The following CACNA1B variants were observed in gnomAD, a reference collection of about 807,000 sequenced individuals.
CACNA1B encodes voltage-dependent N-type calcium channel subunit alpha-1B.
A neutral mutation model predicts 247.2 loss-of-function variants in CACNA1B; 70 were observed. The ratio of observed to expected loss-of-function variants is 0.28; its 90% CI spans 0.23 to 0.35. CACNA1B has a LOEUF of 0.35. Among genes scored for constraint, CACNA1B ranks in the 10% least tolerant of loss-of-function variants. CACNA1B has a pLI of 1.00. For missense variants in CACNA1B, 2,367 were observed against 3,197.4 expected (o/e 0.74, Z 6.26); for synonymous variants, 1,231 against 1,294.4 (o/e 0.95, Z 1.05).
intron 12 of CACNA1B, among the ~76,000 whole-genome samples, chr9:137,976,436 C>T (rs1445283299): frequency 6.6e-6 from 1 of 152,220 alleles, no homozygotes; most frequent in Non-Finnish European, 1.5e-5. Flanking sequence ...GCACGATAGG[C>T]CATGATGGTC....
At chr9:138,065,582 T>C (rs982047548) in intron 31 of CACNA1B, among the ~76,000 whole-genome samples, 12 of 152,274 alleles carry the variant, frequency 7.9e-5, no homozygotes, top group African/African-American at 2.9e-4. Context: ...CCTTTCTGGG[T>C]GCTGACGTTG....
intron 3 of CACNA1B, among the ~76,000 whole-genome samples, chr9:137,884,275 T>C (rs1228855909): frequency 2.1e-4 from 32 of 151,660 alleles, no homozygotes; most frequent in African/African-American, 6.0e-4. Flanking sequence ...CACAGCAGCA[T>C]TGAGGTGGAT....
At chr9:138,106,365 A>G (rs944844569) in intron 39 of CACNA1B, among the ~76,000 whole-genome samples, 2 of 152,052 alleles carry the variant, frequency 1.3e-5, no homozygotes, top group African/African-American at 2.4e-5. Context: ...TTGTGTGCCA[A>G]GCCTCACTTA....
In CACNA1B at chr9:138,052,060, G is replaced by C. The variant is rs764967346; in HGVS notation, c.3711-32G>C. 3.0e-6 allele frequency: 4 copies of C among 1,312,076 alleles called. No homozygotes were observed. The highest frequency in any genetic ancestry group is 4.4e-6 in the Non-Finnish European group (4 of 909,880). 81.3% of individuals were successfully genotyped at this position (1,312,076 alleles called of 1,614,324 possible). Reference sequence around the variant, plus strand: ...GGAGCTGGGCACACCCATGCCTCCTGCCTGTCTGCATCTGTGGCTTCTCCC... The same window carrying C: ...GGAGCTGGGCACACCCATGCCTCCTCCCTGTCTGCATCTGTGGCTTCTCCC... On this transcript the variant is annotated intron_variant, in intron 24 of 46. Coordinates refer to ENST00000371372, the MANE Select transcript of CACNA1B (RefSeq NM_000718.4). This position sits in a 1 kb window ranked among gnomAD's most constrained non-coding sequence, Gnocchi z 5.1.
intron 36 of CACNA1B, among the ~76,000 whole-genome samples, chr9:138,079,119 G>A (rs902257575): frequency 2.6e-5 from 4 of 152,192 alleles, no homozygotes; most frequent in African/African-American, 9.6e-5. Flanking sequence ...CAGTGCCTGA[G>A]TGCCTGTTAG....
chr9:137,921,066 A>G (rs1957471737), intron 6 of CACNA1B, among the ~76,000 whole-genome samples: 1 of 152,178 alleles, frequency 6.6e-6, no homozygotes, highest in Non-Finnish European at 1.5e-5. Context: ...CATTTGAAGT[A>G]CTTGACTCAT....
At chr9:138,110,637 C>T (rs1052758146) in intron 39 of CACNA1B, among the ~76,000 whole-genome samples, 16 of 152,070 alleles carry the variant, frequency 1.1e-4, no homozygotes, top group African/African-American at 3.9e-4. Flanking sequence ...GAGGCTACGG[C>T]GGAAGGATTG....
intron 22 of CACNA1B, 87 bp from the exon 23 acceptor site, chr9:138,047,312 G>A: frequency 1.0e-6 from 1 of 996,560 alleles, no homozygotes; most frequent in Middle Eastern, 2.1e-4. Context: ...CTGCTCAGAG[G>A]CCTGGAGGAA....
intron 39 of CACNA1B, among the ~76,000 whole-genome samples, chr9:138,109,420 G>A (rs948424250): frequency 3.9e-5 from 6 of 152,228 alleles, no homozygotes; most frequent in African/African-American, 1.2e-4. Flanking sequence ...GTGTTTGTGA[G>A]GTGGGTGTCA....
At chr9:138,074,872 G>A (rs1383423504) in intron 34 of CACNA1B, among the ~76,000 whole-genome samples, 1 of 152,258 alleles carries the variant, frequency 6.6e-6, no homozygotes, top group African/African-American at 2.4e-5. Flanking sequence ...CCTGACCCGC[G>A]GCGGGGGTTA....
At chr9:138,107,452 A>C (rs1228034968) in intron 39 of CACNA1B, among the ~76,000 whole-genome samples, 1 of 151,994 alleles carries the variant, frequency 6.6e-6, no homozygotes, top group Non-Finnish European at 1.5e-5. Context: ...TGTGTTGCAC[A>C]GGCTGAGGAT....
chr9:137,911,222 A>G (rs1384846956), intron 3 of CACNA1B, among the ~76,000 whole-genome samples: 2 of 151,632 alleles, frequency 1.3e-5, no homozygotes, highest in Admixed American at 6.6e-5. Flanking sequence ...CTAGTTTTAA[A>G]TTTTCTACCT....
rs1958495285 is a variant in CACNA1B, at chr9:137,995,954, A to T, written c.1974+9100A>T. ...TCAGGGGAATGCAAATAAAAACCAC[A>T]GTGTGATACCACCTCACTCCTGCAA... On this transcript the variant is annotated intron_variant, in intron 15 of 46. Coordinates refer to ENST00000371372, the MANE Select transcript of CACNA1B (RefSeq NM_000718.4). Among the ~76,000 whole-genome samples the T allele has an allele frequency of 2.0e-5, 3 of 152,250 alleles. No homozygotes were observed. The South Asian group carries it at 6.2e-4, about 32-fold the overall frequency.
rs958119692 is a variant in CACNA1B, at chr9:137,956,779, A to C, written c.1195A>C (p.Met399Leu). 1 of 1,613,610 alleles carries C rather than the reference A, an allele frequency of 6.2e-7. No homozygotes were observed. Among genetic ancestry groups the C allele is most frequent in the Non-Finnish European group, 8.5e-7 (1 of 1,179,736 alleles). The change falls in exon 9 of 47, where the codon ATG (methionine) becomes CTG (leucine). Residue 399 changes from methionine (M) to leucine (L), a missense_variant. Physicochemically the swap from Met to Leu is conservative, Grantham distance 15 (BLOSUM62 2). Around this residue, in one of 12 missense-constraint regions of CACNA1B, gnomAD observed 219 missense variants for 297.6 expected, o/e 0.74. Transcript: ENST00000371372. ...CTGTGTTCCCCTCGCAGAGGAAGTC[A>C]TGCTGGCCGAGGAGGACAGGAATGC... is the stretch of plus-strand genomic sequence containing the variant. ...LEWIFKAEEV[M>L]LAEEDRNAEE...
chr9:138,117,308 G>A (rs1961905664), intron 42 of CACNA1B, among the ~76,000 whole-genome samples: 1 of 152,076 alleles, frequency 6.6e-6, no homozygotes, highest in Admixed American at 6.5e-5. Context: ...GAGAAGTAAG[G>A]AGGAGCCACC....
rs961851661 is a variant in CACNA1B at position 138,051,541 on chromosome 9, C to G, written c.3711-551C>G. ...CTCTTGCATTGCCTCTGTATTCGTCCGACTTTTTCTCTTTCTTACTCTCCT... is the reference window on the plus strand; with the variant it reads ...CTCTTGCATTGCCTCTGTATTCGTCGGACTTTTTCTCTTTCTTACTCTCCT... On this transcript the variant is annotated intron_variant, in intron 24 of 46. Coordinates refer to ENST00000371372, the MANE Select transcript of CACNA1B (RefSeq NM_000718.4). This position sits in a 1 kb window ranked among gnomAD's most constrained non-coding sequence, Gnocchi z 4.3. Among the ~76,000 whole-genome samples the G allele has an allele frequency of 6.7e-6, 1 of 149,118 alleles. No homozygotes were observed. Among genetic ancestry groups the G allele is most frequent in the Non-Finnish European group, 1.5e-5 (1 of 67,324 alleles).
rs1956899041 is a variant in CACNA1B at position 137,880,275 on chromosome 9, G to GC, written c.390+1116_390+1117insC. ...AATGGAGCACAGTCTGGAATGCCCA[G>GC]TGGTCTGGGTTACGGCCGGGTGAGG... On this transcript the variant is annotated intron_variant, in intron 2 of 46. Transcript: ENST00000371372. This position sits in a 1 kb window ranked among gnomAD's most constrained non-coding sequence, Gnocchi z 4.8. Among the ~76,000 whole-genome samples the GC allele has an allele frequency of 1.3e-5, 2 of 152,190 alleles. No homozygotes were observed. Among genetic ancestry groups the GC allele is most frequent in the African/African-American group, 4.8e-5 (2 of 41,450 alleles).
Position 138,118,078 on chromosome 9 carries a change from A to G in CACNA1B, c.5910A>G (p.Ala1970=). The change falls in exon 43 of 47, where the codon GCA becomes GCG. Residue 1970 remains alanine (A), a synonymous_variant. Coordinates refer to ENST00000371372, the MANE Select transcript of CACNA1B (RefSeq NM_000718.4). The part of the protein sequence containing the change: ...STEIPVGRSG[A]LAVDVQMQSI... ...AGATCCCTGTGGGGCGGTCAGGAGCACTGGTGAGCACTCCCGGGGGCTAGT... is the reference window on the plus strand; with the variant it reads ...AGATCCCTGTGGGGCGGTCAGGAGCGCTGGTGAGCACTCCCGGGGGCTAGT... 1 of 1,529,530 alleles carries G rather than the reference A, an allele frequency of 6.5e-7. No homozygotes were observed. The highest frequency in any genetic ancestry group is 8.8e-7 in the Non-Finnish European group (1 of 1,134,272). 94.7% of individuals were successfully genotyped at this position (1,529,530 alleles called of 1,614,324 possible).
Position 138,069,829 on chromosome 9 carries a change from T to C in CACNA1B, c.4674+66T>C, listed in dbSNP as rs6559264. ...TTTGCTCGCTCTGCTCCTCTCCTGCTCTCTGGTTCCTGGGACTCCAGCCCA... is the reference window on the plus strand; with the variant it reads ...TTTGCTCGCTCTGCTCCTCTCCTGCCCTCTGGTTCCTGGGACTCCAGCCCA... On this transcript the variant is annotated intron_variant, in intron 32 of 46. Transcript: ENST00000371372. 63,562 of 1,488,274 alleles carry C rather than the reference T, an allele frequency of 0.043. 10,024 individuals are homozygous for C. In the African/African-American group the frequency reaches 0.48, roughly 11 times the overall value. 92.2% of individuals were successfully genotyped at this position (1,488,274 alleles called of 1,614,324 possible).
Sources: gnomAD v4.1 joint callset for allele counts (sites outside exome capture counted in the v4.1 genomes callset) on GRCh38, gnomAD v4.1.1 for gene constraint, gnomAD v4.1.1 regional missense constraint, Gnocchi (gnomAD v3.1) non-coding constraint, MANE v1.5 for transcripts, NCBI Gene and HGNC (gene_info 2026-07-23, HGNC 2026-07-21) for gene names.